Variants in GJB7 observed in about 807,000 individuals in gnomAD.
GJB7 encodes the protein gap junction protein beta 7.
For missense variants in GJB7, 253 were observed against 256.8 expected, an observed-to-expected ratio of 0.99 and a Z score of 0.10; for synonymous variants, 87 against 95.2, an observed-to-expected ratio of 0.91 and a Z score of 0.50.
At chr6:87,286,760 GGTTTTT>G (rs768718222) in intron 2 of GJB7, among the ~76,000 whole-genome samples, 11 of 152,096 alleles carry the variant, frequency 7.2e-5, no homozygotes, top group Middle Eastern at 3.2e-3. Flanking sequence ...TCTGAAAGGT[GGTTTTT>G]GTTTTTGTTT....
intron 2 of GJB7, chr6:87,299,891 G>T (rs1043757825): frequency 4.0e-6 from 1 of 251,476 alleles, no homozygotes; most frequent in South Asian, 1.1e-4. Context: ...TGAGCAGTTA[G>T]ATGTTACAAC....
intron 2 of GJB7, among the ~76,000 whole-genome samples, chr6:87,309,068 G>T (rs1232261073): frequency 6.6e-6 from 1 of 152,132 alleles, no homozygotes; most frequent in African/African-American, 2.4e-5. Flanking sequence ...TTTCCGATTG[G>T]CATGGACAGT....
intron 1 of GJB7, among the ~76,000 whole-genome samples, chr6:87,326,040 T>A (rs1023047607): frequency 2.1e-4 from 32 of 152,260 alleles, no homozygotes; most frequent in Admixed American, 1.4e-3. Context: ...CTAGATTTTC[T>A]AGTTTATTTG....
chr6:87,301,029 T>C (rs1170905835), intron 2 of GJB7, among the ~76,000 whole-genome samples: 1 of 152,092 alleles, frequency 6.6e-6, no homozygotes, highest in Non-Finnish European at 1.5e-5. Flanking sequence ...AAAATACATT[T>C]AAAAAATCAA....
chr6:87,324,947 G>A (rs1394307607), intron 1 of GJB7, among the ~76,000 whole-genome samples: 1 of 151,978 alleles, frequency 6.6e-6, no homozygotes, highest in African/African-American at 2.4e-5. Flanking sequence ...TTATTTCCTT[G>A]AGCAGTGGTT....
intron 2 of GJB7, chr6:87,291,989 A>T (rs1237138172): frequency 1.3e-5 from 2 of 152,222 alleles, no homozygotes; most frequent in African/African-American, 4.8e-5. Flanking sequence ...CATTTGATTT[A>T]AAAAAGCATG....
At position 87,319,566 on chromosome 6, in the gene GJB7, T is replaced by C. The variant is rs576982593; in HGVS notation, c.-28+3300A>G. 4.1e-4 allele frequency among the ~76,000 whole-genome samples: 62 copies of C among 152,384 alleles called. 1 individual carries two copies. The highest frequency in any genetic ancestry group is 1.4e-3 in the African/African-American group (58 of 41,592). ...TATTTTATAGCCTTCCAATTGTTTT[T>C]AGCTACTGCAGTAACAGCTTTTTAA... On this transcript the variant is annotated intron_variant, in intron 2 of 2. Transcript: ENST00000525899.
At chr6:87,310,360 A>G (rs1184804828) in intron 2 of GJB7, among the ~76,000 whole-genome samples, 1 of 152,206 alleles carries the variant, frequency 6.6e-6, no homozygotes, top group East Asian at 1.9e-4. Context: ...AAAATTAAGA[A>G]CTTGTTAATC....
At chr6:87,286,459 C>T (rs1776061853) in intron 2 of GJB7, among the ~76,000 whole-genome samples, 1 of 152,192 alleles carries the variant, frequency 6.6e-6, no homozygotes, top group South Asian at 2.1e-4. Context: ...ACTCCTACAA[C>T]TCTCATTAGG....
At chr6:87,305,095 A>G (rs1776403049) in intron 2 of GJB7, among the ~76,000 whole-genome samples, 1 of 152,226 alleles carries the variant, frequency 6.6e-6, no homozygotes, top group South Asian at 2.1e-4. Flanking sequence ...AACTGGAAGC[A>G]TTCCCTTTGA....
intron 1 of GJB7, among the ~76,000 whole-genome samples, chr6:87,323,659 T>C (rs1776732003): frequency 6.6e-6 from 1 of 152,140 alleles, no homozygotes; most frequent in African/African-American, 2.4e-5. Flanking sequence ...CACATTTTCT[T>C]AATCCAGTCT....
At position 87,299,381 on chromosome 6, in the gene GJB7, T is replaced by C. The variant is rs561497143; in HGVS notation, c.-27-14442A>G. The C allele has an allele frequency of 1.3e-4, 64 of 493,030 alleles. 1 individual carries two copies. Among genetic ancestry groups the C allele is most frequent in the South Asian group, 9.8e-4 (64 of 65,600 alleles). 30.5% of individuals were successfully genotyped at this position (493,030 alleles called of 1,614,324 possible). ...GATGGAAAAACACTGAATGATGAAT[T>C]AGAAATTATTAAAGGCATAAAGTTT... On this transcript the variant is annotated intron_variant, in intron 2 of 2. Transcript: ENST00000525899.
chr6:87,291,528 G>A (rs1776173575), intron 2 of GJB7, among the ~76,000 whole-genome samples: 1 of 152,136 alleles, frequency 6.6e-6, no homozygotes, highest in African/African-American at 2.4e-5. Context: ...AGAAGATCCT[G>A]GACTGCTCCT....
chr6:87,315,237 C>T (rs2127909125), intron 2 of GJB7, among the ~76,000 whole-genome samples: 1 of 152,274 alleles, frequency 6.6e-6, no homozygotes, highest in South Asian at 2.1e-4. Flanking sequence ...CCCAACCCAA[C>T]TGGTGGGGAA....
chr6:87,292,245 CAAAG>C (rs1477807091), intron 2 of GJB7, among the ~76,000 whole-genome samples: 1 of 152,232 alleles, frequency 6.6e-6, no homozygotes, highest in Non-Finnish European at 1.5e-5. Context: ...ATCATCTACA[CAAAG>C]AAGCTGGAAC....
At chr6:87,302,505 C>A (rs1776348361) in intron 2 of GJB7, among the ~76,000 whole-genome samples, 1 of 152,160 alleles carries the variant, frequency 6.6e-6, no homozygotes, top group Non-Finnish European at 1.5e-5. Flanking sequence ...ATGAACAAAG[C>A]CTCCAAGAAA....
intron 2 of GJB7, chr6:87,299,327 T>G (rs1328477): frequency 0.26 from 121,120 of 472,490 alleles, 17,595 homozygotes; most frequent in Admixed American, 0.4. Flanking sequence ...GCAAATAAAT[T>G]TGGAAGAAAG....
chr6:87,314,273 C>T (rs1205604253), intron 2 of GJB7, among the ~76,000 whole-genome samples: 2 of 152,164 alleles, frequency 1.3e-5, no homozygotes, highest in African/African-American at 2.4e-5. Flanking sequence ...GCCCTCCCTA[C>T]CCAAGGGTGT....
chr6:87,324,701 T>A (rs1204604404), intron 1 of GJB7, among the ~76,000 whole-genome samples: 2 of 151,774 alleles, frequency 1.3e-5, no homozygotes, highest in African/African-American at 4.8e-5. Context: ...AGTCAGGTAG[T>A]GTGATACCTC....
Sources: gnomAD v4.1 joint callset for allele counts (sites outside exome capture counted in the v4.1 genomes callset) on GRCh38, gnomAD v4.1.1 for gene constraint, MANE v1.5 for transcripts, NCBI Gene and HGNC (gene_info 2026-07-23, HGNC 2026-07-21) for gene names.